MAP4K5: variants seen among roughly 807,000 people sequenced by gnomAD.
MAP4K5 encodes the protein mitogen-activated protein kinase kinase kinase kinase 5, also known as MAPK/ERK kinase kinase kinase 5.
In MAP4K5, 82 loss-of-function variants were observed where a neutral mutation model predicts 135.6. The ratio of observed to expected loss-of-function variants is 0.60; its 90% CI spans 0.51 to 0.73. The LOEUF is 0.73. MAP4K5 is among the 30% of genes least tolerant of loss of function. The pLI is 0.00. For synonymous variants in MAP4K5, 347 were observed against 335.0 expected (o/e 1.04, Z -0.39); for missense variants, 907 against 1,010.9 (o/e 0.90, Z 1.39).
intron 28 of MAP4K5, among the ~76,000 whole-genome samples, chr14:50,433,167 A>G (rs2036012575): frequency 6.6e-6 from 1 of 152,190 alleles, no homozygotes; most frequent in Non-Finnish European, 1.5e-5. Context: ...GGCAGTTTAT[A>G]TCTCACGATA....
chr14:50,531,484 G>A (rs572162805), intron 2 of MAP4K5, among the ~76,000 whole-genome samples: 1 of 152,288 alleles, frequency 6.6e-6, no homozygotes, highest in African/African-American at 2.4e-5. Flanking sequence ...TACAGTTAAA[G>A]CTCAGAGACA....
At chr14:50,445,404 C>T (rs80172195) in intron 17 of MAP4K5, among the ~76,000 whole-genome samples, 2,128 of 152,040 alleles carry the variant, frequency 0.014, 18 homozygotes, top group Middle Eastern at 0.041. Flanking sequence ...ATTTTTATAA[C>T]TAATATAATT....
chr14:50,438,187 T>G (rs779707595), intron 23 of MAP4K5, 93 bp from the exon 24 acceptor site: 1 of 613,216 alleles, frequency 1.6e-6, no homozygotes, highest in Non-Finnish European at 2.9e-6. Flanking sequence ...TGAAAGACAA[T>G]AGATAAAATG....
chr14:50,437,581 A>G, intron 25 of MAP4K5, 47 bp from the exon 26 acceptor site: 1 of 1,267,824 alleles, frequency 7.9e-7, no homozygotes. Context: ...AGTGGTTACA[A>G]CACAATGATT....
At chr14:50,521,548 C>T (rs1188387272) in intron 2 of MAP4K5, among the ~76,000 whole-genome samples, 1 of 152,160 alleles carries the variant, frequency 6.6e-6, no homozygotes, top group Non-Finnish European at 1.5e-5. Context: ...TCTGTTCCAC[C>T]TACTTCACTA....
At chr14:50,430,570 C>G (rs117334003) in intron 28 of MAP4K5, among the ~76,000 whole-genome samples, 1,541 of 152,248 alleles carry the variant, frequency 0.01, 11 homozygotes, top group Non-Finnish European at 0.016. Context: ...TTCAATGTGC[C>G]CTTTCTGATA....
chr14:50,488,281 G>C (rs899085563), intron 3 of MAP4K5, among the ~76,000 whole-genome samples: 1 of 151,982 alleles, frequency 6.6e-6, no homozygotes, highest in Non-Finnish European at 1.5e-5. Flanking sequence ...AACAGCATGG[G>C]GGAAACCACC....
At chr14:50,480,788 T>A (rs1344402079) in intron 6 of MAP4K5, among the ~76,000 whole-genome samples, 2 of 152,246 alleles carry the variant, frequency 1.3e-5, no homozygotes, top group African/African-American at 4.8e-5. Context: ...GGTATATGTA[T>A]AGCCCTATTG....
At chr14:50,556,356 C>T (rs1244989496) in intron 1 of MAP4K5, among the ~76,000 whole-genome samples, 1 of 152,090 alleles carries the variant, frequency 6.6e-6, no homozygotes, top group African/African-American at 2.4e-5. Flanking sequence ...GCTGGGACTG[C>T]AGGTGCACAT....
In MAP4K5 at chr14:50,559,925, G is replaced by A. The variant is rs1156414768; in HGVS notation, c.-180+1115C>T. 3.4e-5 allele frequency: 13 copies of A among 384,448 alleles called. No homozygotes were observed. In the East Asian group the frequency reaches 6.1e-4, roughly 18 times the overall value. 23.8% of individuals were successfully genotyped at this position (384,448 alleles called of 1,614,324 possible). A position where few individuals can be genotyped will look rare whatever the true frequency, so the allele number is the denominator to read the frequency against. On this transcript the variant is annotated intron_variant, in intron 1 of 8. Transcript: ENST00000555216. ...TAACGCTGTTAAATTCTTTGAGAGT[G>A]TGTTCGAGGGGGGTGCTGTTTATTT... is the stretch of plus-strand genomic sequence containing the variant.
chr14:50,517,696 G>C (rs1411268860), intron 2 of MAP4K5, among the ~76,000 whole-genome samples: 1 of 152,030 alleles, frequency 6.6e-6, no homozygotes, highest in Non-Finnish European at 1.5e-5. Context: ...TTCAACCCGG[G>C]AGGCGGAGGT....
At chr14:50,556,921 C>CT (rs1566712332) in intron 1 of MAP4K5, among the ~76,000 whole-genome samples, 1 of 152,060 alleles carries the variant, frequency 6.6e-6, no homozygotes, top group Non-Finnish European at 1.5e-5. Context: ...TTGTTTCCAC[C>CT]TTTTGGCTAT....
intron 14 of MAP4K5, chr14:50,450,186 A>G (rs777159048): frequency 2.6e-5 from 4 of 152,190 alleles, no homozygotes; most frequent in African/African-American, 9.7e-5. Flanking sequence ...ACCCCAGGTG[A>G]TCTGCCCACC....
intron 1 of MAP4K5, among the ~76,000 whole-genome samples, chr14:50,551,327 A>C (rs2038699303): frequency 7.5e-6 from 1 of 133,732 alleles, no homozygotes; most frequent in Non-Finnish European, 1.6e-5. Flanking sequence ...TTAAATCAGG[A>C]AGAAATAGAA....
In MAP4K5 at chr14:50,445,081, A is replaced by G. The variant is rs1438892319; in HGVS notation, c.1299T>C (p.Ser433=). 2 of 1,613,538 alleles carry G rather than the reference A, an allele frequency of 1.2e-6. No homozygotes were observed. Among genetic ancestry groups the G allele is most frequent in the Non-Finnish European group, 1.7e-6 (2 of 1,179,712 alleles). Residue 433 remains serine (S), a synonymous_variant, in exon 18 of 33, where the codon AGT becomes AGC. Coordinates refer to ENST00000682126, the MANE Select transcript of MAP4K5 (RefSeq NM_006575.6). ...CTGCCACAGGCCCACAACTTGGGCT[A>G]CTCTGTCTTCTGAGAATTTGGGGAG... ...SRAPQILRRQ[S]SPSCGPVAET...
chr14:50,474,433 G>A (rs1031492126), intron 9 of MAP4K5, among the ~76,000 whole-genome samples: 1 of 151,650 alleles, frequency 6.6e-6, no homozygotes, highest in Non-Finnish European at 1.5e-5. Context: ...AACTGCAAAT[G>A]TCACCTTTTA....
chr14:50,435,237 T>C (rs1052517107), intron 26 of MAP4K5, among the ~76,000 whole-genome samples, 172 bp from the exon 27 acceptor site: 2 of 152,236 alleles, frequency 1.3e-5, no homozygotes. Flanking sequence ...TTTTAAATTA[T>C]ATATGTTTAC....
intron 32 of MAP4K5, 65 bp from the exon 33 acceptor site, chr14:50,420,171 T>C: frequency 1.2e-6 from 1 of 834,418 alleles, no homozygotes; most frequent in Non-Finnish European, 2.0e-6. Flanking sequence ...AATACTAACA[T>C]CAAACTAGGA....
Position 50,443,761 on chromosome 14 carries a change from T to C in MAP4K5, c.1447A>G (p.Ile483Val). Residue 483 changes from isoleucine to valine, a missense_variant, in exon 20 of 33, where the codon ATC (isoleucine) becomes GTC (valine). Physicochemically the swap from Ile to Val is conservative, Grantham distance 29. Coordinates refer to ENST00000682126, the MANE Select transcript of MAP4K5 (RefSeq NM_006575.6). ...TTTGGGGTGGGTGGAAGGCCATTGA[T>C]GGCTGGTTTCTATGGGAAAAATAAA... ...KDKRDFPKPA[I>V]NGLPPTPKVL... 6.3e-7 allele frequency: 1 copy of C among 1,599,894 alleles called. No individual in the cohort carries two copies. Among genetic ancestry groups the C allele is most frequent in the Non-Finnish European group, 8.5e-7 (1 of 1,176,086 alleles).
Sources: allele counts gnomAD v4.1 joint callset (sites outside exome capture counted in the v4.1 genomes callset), GRCh38; gene constraint gnomAD v4.1.1; transcripts MANE v1.5; gene names NCBI Gene and HGNC (gene_info 2026-07-23, HGNC 2026-07-21).